The following NEGR1 variants were observed in gnomAD, a reference collection of about 807,000 sequenced individuals.
NEGR1 encodes the protein neuronal growth regulator 1.
NEGR1 carries 10 observed loss-of-function variants against 40.9 expected under a neutral mutation model. The ratio of observed to expected loss-of-function variants is 0.24; its 90% CI spans 0.15 to 0.42. NEGR1 has a LOEUF of 0.42. NEGR1 is among the 10% of genes least tolerant of loss of function. The pLI is 1.00. For missense variants in NEGR1, 352 were observed against 438.9 expected, an observed-to-expected ratio of 0.80 and a Z score of 1.77; for synonymous variants, 185 against 166.8, an observed-to-expected ratio of 1.11 and a Z score of -0.84.
At chr1:71,503,173 C>A (rs1022989680) in intron 6 of NEGR1, among the ~76,000 whole-genome samples, 3 of 152,256 alleles carry the variant, frequency 2.0e-5, no homozygotes, top group Admixed American at 6.5e-5. Context: ...GGCCTAAAGA[C>A]CCTACTTGTA....
At chr1:72,209,461 T>G (rs1403666639) in intron 1 of NEGR1, among the ~76,000 whole-genome samples, 4 of 151,678 alleles carry the variant, frequency 2.6e-5, no homozygotes, top group Non-Finnish European at 3.0e-5. Flanking sequence ...ATAAATCTAC[T>G]AAAATTATGT....
chr1:71,829,229 T>C (rs1198217319), intron 2 of NEGR1, among the ~76,000 whole-genome samples: 2 of 151,932 alleles, frequency 1.3e-5, no homozygotes, highest in African/African-American at 4.8e-5. Flanking sequence ...ATATTTTCCT[T>C]TGAGTTTTTT....
chr1:71,790,098 T>C (rs1657055890), intron 2 of NEGR1, among the ~76,000 whole-genome samples: 1 of 152,142 alleles, frequency 6.6e-6, no homozygotes, highest in African/African-American at 2.4e-5. Context: ...GAAAATTCTA[T>C]GAACATATTG....
chr1:71,661,160 T>C (rs1460447530), intron 4 of NEGR1, among the ~76,000 whole-genome samples: 2 of 152,244 alleles, frequency 1.3e-5, no homozygotes, highest in African/African-American at 2.4e-5. Flanking sequence ...GCAATAAACA[T>C]ACATGTGCAT....
chr1:71,534,260 A>C (rs1401862514), intron 6 of NEGR1, among the ~76,000 whole-genome samples: 3 of 151,754 alleles, frequency 2.0e-5, no homozygotes, highest in Non-Finnish European at 4.4e-5. Context: ...TAGTGAACTC[A>C]CATTCCTTCC....
intron 1 of NEGR1, among the ~76,000 whole-genome samples, chr1:72,144,732 AC>A (rs1434558727): frequency 6.6e-6 from 1 of 152,086 alleles, no homozygotes; most frequent in Non-Finnish European, 1.5e-5. Flanking sequence ...GTAGTGTGGA[AC>A]AGGGTCTAGT....
chr1:71,888,353 T>G (rs980648986), intron 2 of NEGR1, among the ~76,000 whole-genome samples: 42 of 152,088 alleles, frequency 2.8e-4, no homozygotes, highest in Non-Finnish European at 5.6e-4. Flanking sequence ...CAGGCCAGTG[T>G]GTGCGCCCAC....
At chr1:71,636,945 G>T (rs1651173337) in intron 4 of NEGR1, among the ~76,000 whole-genome samples, 1 of 151,968 alleles carries the variant, frequency 6.6e-6, no homozygotes, top group Non-Finnish European at 1.5e-5. Flanking sequence ...GTAAATGTGT[G>T]TAAAAATCCT....
intron 3 of NEGR1, among the ~76,000 whole-genome samples, chr1:71,718,757 A>C (rs994812339): frequency 6.6e-6 from 1 of 152,168 alleles, no homozygotes; most frequent in Non-Finnish European, 1.5e-5. Context: ...AAAAATTACA[A>C]CATGTAAAAA....
intron 1 of NEGR1, among the ~76,000 whole-genome samples, chr1:72,271,255 G>A (rs1172820896): frequency 6.6e-6 from 1 of 151,830 alleles, no homozygotes; most frequent in African/African-American, 2.4e-5. Flanking sequence ...AGAAAGAGAT[G>A]CAGAAGATTT....
At chr1:71,810,859 G>A (rs1452419651) in intron 2 of NEGR1, among the ~76,000 whole-genome samples, 1 of 152,076 alleles carries the variant, frequency 6.6e-6, no homozygotes. Context: ...TACAGCCTGT[G>A]GAACTGTGAG....
At position 71,400,603 on chromosome 1, in the gene NEGR1, A is replaced by C. The variant is rs527848482; in HGVS notation, c.*6843T>G. The stretch of plus-strand genomic sequence containing the variant: ...GATTATGGTTTGTGAGATAAGGAAG[A>C]AAAGGAGTAATTAAAAAACATAGAT... On this transcript the variant is annotated 3_prime_UTR_variant, in exon 7 of 7. Transcript: ENST00000357731. The C allele has an allele frequency of 5.3e-5, 8 of 152,270 alleles. No individual in the cohort carries two copies. Among genetic ancestry groups the C allele is most frequent in the Admixed American group, 6.5e-5 (1 of 15,286 alleles). 9.4% of individuals were successfully genotyped at this position (152,270 alleles called of 1,614,324 possible).
At chr1:71,640,925 G>A (rs545618568) in intron 4 of NEGR1, among the ~76,000 whole-genome samples, 128 of 152,084 alleles carry the variant, frequency 8.4e-4, no homozygotes, top group African/African-American at 2.9e-3. Context: ...AGGCTTATGG[G>A]ATGGATGGTG....
intron 1 of NEGR1, among the ~76,000 whole-genome samples, chr1:71,980,836 T>C (rs985593834): frequency 5.9e-5 from 9 of 152,182 alleles, no homozygotes; most frequent in African/African-American, 2.2e-4. Flanking sequence ...CAGGCCTCAG[T>C]GATCCTGCAT....
At chr1:71,762,070 A>G (rs1655963107) in intron 3 of NEGR1, among the ~76,000 whole-genome samples, 1 of 152,080 alleles carries the variant, frequency 6.6e-6, no homozygotes, top group African/African-American at 2.4e-5. Flanking sequence ...AGTTTTCTAT[A>G]CTTTGCTGGA....
At chr1:71,954,314 AGATGATTT>A (rs1452648771) in intron 1 of NEGR1, among the ~76,000 whole-genome samples, 1 of 152,038 alleles carries the variant, frequency 6.6e-6, no homozygotes, top group Non-Finnish European at 1.5e-5. Context: ...GGTAAATGAT[AGATGATTT>A]TAGATGTCAA....
At chr1:71,481,519 A>G (rs1383529871) in intron 6 of NEGR1, among the ~76,000 whole-genome samples, 3 of 151,920 alleles carry the variant, frequency 2.0e-5, no homozygotes, top group South Asian at 2.1e-4. Context: ...ACACTGAACC[A>G]TACCTATTGA....
intron 6 of NEGR1, among the ~76,000 whole-genome samples, chr1:71,473,097 C>T (rs1247606678): frequency 6.6e-6 from 1 of 151,730 alleles, no homozygotes; most frequent in Non-Finnish European, 1.5e-5. Context: ...GAAATTTCAC[C>T]AGAAGAAAAT....
At chr1:71,939,832 T>G (rs2100242467) in intron 1 of NEGR1, among the ~76,000 whole-genome samples, 1 of 152,268 alleles carries the variant, frequency 6.6e-6, no homozygotes, top group South Asian at 2.1e-4. Flanking sequence ...TGCTAGGAGG[T>G]TTGCTAGGCA....
Sources: gnomAD v4.1 joint callset for allele counts (sites outside exome capture counted in the v4.1 genomes callset) on GRCh38, gnomAD v4.1.1 for gene constraint, MANE v1.5 for transcripts, NCBI Gene and HGNC (gene_info 2026-07-23, HGNC 2026-07-21) for gene names.